IRAG2: variants seen among roughly 807,000 people sequenced by gnomAD.
IRAG2 encodes the protein lymphoid restricted membrane protein.
IRAG2 carries 45 observed loss-of-function variants against 69.9 expected under a neutral mutation model. The ratio of observed to expected loss-of-function variants is 0.64; its 90% CI spans 0.51 to 0.83. The LOEUF (loss-of-function observed/expected upper bound fraction) is 0.83. IRAG2 is among the 40% of genes least tolerant of loss of function. The pLI is 0.00. For missense variants in IRAG2, 520 were observed against 587.0 expected, an observed-to-expected ratio of 0.89 and a Z score of 1.18; for synonymous variants, 193 against 202.4, an observed-to-expected ratio of 0.95 and a Z score of 0.40.
chr12:25,091,492 A>T (rs7977766), intron 14 of IRAG2, among the ~76,000 whole-genome samples: 139,213 of 152,232 alleles, frequency 0.91, 64,911 homozygotes, highest in East Asian at 1. Flanking sequence ...ATCTATTCAT[A>T]CATCGATGGG....
chr12:25,030,731 AG>A (rs1295573853), intron 10 of IRAG2, among the ~76,000 whole-genome samples: 1 of 152,214 alleles, frequency 6.6e-6, no homozygotes, highest in Non-Finnish European at 1.5e-5. Context: ...TTTCCTTTAT[AG>A]CACTTTATAA....
chr12:25,049,132 A>C (rs1409716515), upstream of IRAG2, among the ~76,000 whole-genome samples: 3 of 152,056 alleles, frequency 2.0e-5, no homozygotes. Context: ...GTACCATGCT[A>C]TTTGGCTACT....
chr12:25,003,331 T>TA (rs1388586603), upstream of IRAG2, among the ~76,000 whole-genome samples: 3 of 152,308 alleles, frequency 2.0e-5, no homozygotes, highest in East Asian at 3.9e-4. Flanking sequence ...CTAGAGTATT[T>TA]AAAAAATATC....
At chr12:25,006,971 TG>T (rs1944438078) in intron 2 of IRAG2, among the ~76,000 whole-genome samples, 1 of 152,212 alleles carries the variant, frequency 6.6e-6, no homozygotes, top group African/African-American at 2.4e-5. Context: ...GAAAAAAAAT[TG>T]GTAATCCTGT....
chr12:25,080,703 G>A (rs907927077), intron 9 of IRAG2, among the ~76,000 whole-genome samples: 1 of 152,136 alleles, frequency 6.6e-6, no homozygotes, highest in Non-Finnish European at 1.5e-5. Flanking sequence ...TGAGATAGAG[G>A]TGCTAAAATA....
intron 10 of IRAG2, among the ~76,000 whole-genome samples, chr12:25,087,376 C>T (rs1229709486): frequency 6.6e-6 from 1 of 151,822 alleles, no homozygotes; most frequent in Non-Finnish European, 1.5e-5. Context: ...CCATGTTGGC[C>T]AGGCTGGTCT....
Position 25,107,863 on chromosome 12 carries a change from A to G in IRAG2, c.1303A>G (p.Arg435Gly). 1 of 1,614,100 alleles carries G rather than the reference A, an allele frequency of 6.2e-7. No individual in the cohort carries two copies. The highest frequency in any genetic ancestry group is 8.5e-7 in the Non-Finnish European group (1 of 1,179,900). Residue 435 changes from arginine to glycine, a missense_variant, in exon 22 of 22, where the codon AGA becomes GGA. By Grantham distance (125) the Arg-to-Gly change is moderately radical. Coordinates refer to ENST00000556887, the MANE Select transcript of IRAG2 (RefSeq NM_001366544.2). ...GGCAACAAATCTCAAGTCCTCCATC[A>G]GAAAGGCTAATAAGGCCCTCTGGCT... is the stretch of plus-strand genomic sequence containing the variant. The part of the protein sequence containing the change: ...SWATNLKSSI[R>G]KANKALWLSI...
At chr12:25,095,603 T>G (rs952179151) in intron 14 of IRAG2, among the ~76,000 whole-genome samples, 1 of 152,210 alleles carries the variant, frequency 6.6e-6, no homozygotes, top group Non-Finnish European at 1.5e-5. Context: ...GTCTGTAGTT[T>G]TTTTTCTTTA....
chr12:25,025,353 G>T (rs1019119328), intron 8 of IRAG2, among the ~76,000 whole-genome samples: 1 of 152,202 alleles, frequency 6.6e-6, no homozygotes, highest in South Asian at 2.1e-4. Flanking sequence ...GCTGAAAATC[G>T]TGAGGCTGCA....
intron 9 of IRAG2, among the ~76,000 whole-genome samples, chr12:25,081,876 G>GA (rs148941936): frequency 1.3e-5 from 2 of 151,952 alleles, no homozygotes; most frequent in Admixed American, 1.3e-4. Flanking sequence ...ACAATTTTGT[G>GA]AAAAAAAGGA....
intron 17 of IRAG2, chr12:25,103,151 A>G (rs1948847079): frequency 1.3e-5 from 2 of 152,218 alleles, no homozygotes; most frequent in African/African-American, 2.4e-5. Context: ...TTTATTACAT[A>G]TTTTAAAAAT....
intron 19 of IRAG2, 117 bp from the exon 20 acceptor site, chr12:25,104,244 C>A: frequency 2.5e-6 from 2 of 794,804 alleles, no homozygotes; most frequent in Non-Finnish European, 3.9e-6. Flanking sequence ...TGTGAATGTG[C>A]CAAGAAAAAA....
intron 3 of IRAG2, among the ~76,000 whole-genome samples, chr12:25,012,136 C>T (rs982197168): frequency 9.1e-5 from 12 of 132,530 alleles, no homozygotes; most frequent in Non-Finnish European, 1.9e-4. Context: ...CCACAGAAAG[C>T]GAATTCCCTT....
At chr12:24,999,630 T>C (rs1310970427), upstream of IRAG2, among the ~76,000 whole-genome samples, 3 of 152,190 alleles carry the variant, frequency 2.0e-5, no homozygotes, top group East Asian at 3.8e-4. Flanking sequence ...TAATTTTCTG[T>C]TTATAACCCT....
intron 2 of IRAG2, chr12:25,006,302 T>G (rs1944429677): frequency 6.6e-6 from 1 of 152,234 alleles, no homozygotes; most frequent in Non-Finnish European, 1.5e-5. Flanking sequence ...GTTCAGCCAC[T>G]GTGGACAGCA....
intron 9 of IRAG2, among the ~76,000 whole-genome samples, chr12:25,028,684 G>A (rs1011029174): frequency 1.1e-4 from 16 of 152,100 alleles, no homozygotes; most frequent in African/African-American, 3.6e-4. Flanking sequence ...ATGAATTTGT[G>A]TCATGCTTAT....
rs1279051696 is a variant in IRAG2 at position 25,083,348 on chromosome 12, C to T, written c.245-75C>T. On this transcript the variant is annotated intron_variant, in intron 9 of 21. Transcript: ENST00000556887. ...GTCAGTTACTGGTCAGCCCATATTG[C>T]CACTCTCACTGTTTCCTCCTCTTTT... The T allele has an allele frequency of 3.3e-5, 29 of 884,962 alleles. 1 individual carries two copies. The South Asian group carries it at 3.5e-4, about 11-fold the overall frequency. 54.8% of individuals were successfully genotyped at this position (884,962 alleles called of 1,614,324 possible).
chr12:25,049,784 C>T (rs551887951), upstream of IRAG2, among the ~76,000 whole-genome samples: 24 of 151,918 alleles, frequency 1.6e-4, no homozygotes, highest in African/African-American at 5.6e-4. Flanking sequence ...AGATCGAGAC[C>T]ATCCTGGCTA....
upstream of IRAG2, among the ~76,000 whole-genome samples, chr12:25,047,455 G>A (rs28823632): frequency 6.6e-6 from 1 of 151,982 alleles, no homozygotes; most frequent in African/African-American, 2.4e-5. Context: ...TTTTGTTTTT[G>A]TTTTTTCCTT....
Sources: allele counts gnomAD v4.1 joint callset (sites outside exome capture counted in the v4.1 genomes callset), GRCh38; gene constraint gnomAD v4.1.1; transcripts MANE v1.5; gene names NCBI Gene and HGNC (gene_info 2026-07-23, HGNC 2026-07-21).